Variants in MSI2 observed in about 807,000 individuals in gnomAD.
The protein encoded by MSI2 is RNA-binding protein Musashi homolog 2.
Under a neutral mutation model 45.6 loss-of-function variants are expected in MSI2, and 17 were observed. The ratio of observed to expected loss-of-function variants is 0.37; its 90% confidence interval spans 0.26 to 0.56. The LOEUF is 0.56. Among genes scored for constraint, MSI2 ranks in the 20% least tolerant of loss-of-function variants. MSI2 has a pLI of 0.77. For missense variants in MSI2, 293 were observed against 444.2 expected, an observed-to-expected ratio of 0.66 and a Z score of 3.06; for synonymous variants, 156 against 158.2, an observed-to-expected ratio of 0.99 and a Z score of 0.11.
chr17:57,439,651 C>T (rs966356206), intron 6 of MSI2, among the ~76,000 whole-genome samples: 5 of 151,772 alleles, frequency 3.3e-5, no homozygotes, highest in African/African-American at 1.2e-4. Flanking sequence ...CTCTGCCTCC[C>T]GGGTTCAAGT....
intron 5 of MSI2, among the ~76,000 whole-genome samples, chr17:57,325,355 A>G (rs1029910865): frequency 1.3e-5 from 2 of 152,356 alleles, no homozygotes; most frequent in East Asian, 3.9e-4. Context: ...TGGATGCAAT[A>G]TATGCTATTC....
At chr17:57,430,158 A>T (rs1413572105) in intron 6 of MSI2, among the ~76,000 whole-genome samples, 1 of 152,202 alleles carries the variant, frequency 6.6e-6, no homozygotes, top group East Asian at 1.9e-4. Flanking sequence ...GAGTACTAGT[A>T]CACAGTGCCC....
chr17:57,676,260 A>G (rs1239835592), intron 12 of MSI2, among the ~76,000 whole-genome samples: 3 of 152,070 alleles, frequency 2.0e-5, no homozygotes, highest in Non-Finnish European at 4.4e-5. Context: ...GCACACAGAC[A>G]TGCACGCACA....
chr17:57,473,051 T>G (rs973488906), intron 6 of MSI2, among the ~76,000 whole-genome samples: 11 of 151,808 alleles, frequency 7.2e-5, no homozygotes, highest in African/African-American at 2.7e-4. Context: ...TGACACCATG[T>G]CTAGCTAATT....
chr17:57,649,803 G>A (rs1356398494), intron 10 of MSI2, among the ~76,000 whole-genome samples: 1 of 152,258 alleles, frequency 6.6e-6, no homozygotes, highest in African/African-American at 2.4e-5. Context: ...TGTGCAGGAT[G>A]CTGGTGCAAG....
At chr17:57,598,372 A>G (rs1450644743) in intron 8 of MSI2, among the ~76,000 whole-genome samples, 2 of 152,250 alleles carry the variant, frequency 1.3e-5, no homozygotes, top group Non-Finnish European at 2.9e-5. Context: ...GATCAAAGCA[A>G]TCTGCTTAGC....
Position 57,596,755 on chromosome 17 carries a change from C to T in MSI2, c.455-113C>T. 1.4e-6 allele frequency: 1 copy of T among 714,494 alleles called. No homozygotes were observed. The highest frequency in any genetic ancestry group is 2.5e-6 in the Non-Finnish European group (1 of 397,900). 44.3% of individuals were successfully genotyped at this position (714,494 alleles called of 1,614,324 possible). On this transcript the variant is annotated intron_variant, in intron 7 of 13. Coordinates refer to ENST00000284073, the MANE Select transcript of MSI2 (RefSeq NM_138962.4). The surrounding 1 kb of genome is among the most constrained non-coding windows in gnomAD (Gnocchi z 4.6). ...GTCCTCCCAAGGATCCGCCTACCTA[C>T]CCCCAGACCAGGAGGCTGTCAAGAC...
the MSI2 span, among the ~76,000 whole-genome samples, chr17:57,697,023 C>T: frequency 1.3e-5 from 2 of 152,036 alleles, no homozygotes; most frequent in Non-Finnish European, 2.9e-5. Flanking sequence ...TCACTGTAAG[C>T]CAGGGAGGGG....
At chr17:57,289,313 T>A (rs953717917) in intron 5 of MSI2, among the ~76,000 whole-genome samples, 3 of 152,156 alleles carry the variant, frequency 2.0e-5, no homozygotes, top group Non-Finnish European at 2.9e-5. Flanking sequence ...TTTAGCAGAA[T>A]GACTCTGCAC....
intron 6 of MSI2, among the ~76,000 whole-genome samples, chr17:57,500,076 T>C (rs2086069483): frequency 6.6e-6 from 1 of 152,156 alleles, no homozygotes; most frequent in Non-Finnish European, 1.5e-5. Context: ...GTAGATCGCA[T>C]GTGGCACGGG....
At chr17:57,631,349 C>G (rs1454377835) in intron 10 of MSI2, 1 of 156,784 alleles carries the variant, frequency 6.4e-6, no homozygotes, top group Non-Finnish European at 1.4e-5. Context: ...TCCTTTCCAC[C>G]TGGACTTACC....
chr17:57,657,871 T>C (rs1911719402), intron 11 of MSI2, among the ~76,000 whole-genome samples: 1 of 152,200 alleles, frequency 6.6e-6, no homozygotes, highest in Admixed American at 6.5e-5. Flanking sequence ...ATTTGTTTTG[T>C]ACCAAGCACC....
At chr17:57,289,116 C>T (rs1315541100) in intron 5 of MSI2, among the ~76,000 whole-genome samples, 1 of 152,202 alleles carries the variant, frequency 6.6e-6, no homozygotes, top group Non-Finnish European at 1.5e-5. Context: ...AATTCAAGAG[C>T]AGGAAAGTGC....
upstream of MSI2, chr17:57,255,874 C>T (rs1036060255): frequency 1.3e-5 from 2 of 152,028 alleles, no homozygotes; most frequent in East Asian, 3.9e-4. Flanking sequence ...ACTTCCAGCG[C>T]AAAAGGAAAA....
intron 9 of MSI2, among the ~76,000 whole-genome samples, chr17:57,623,064 A>T (rs1456292516): frequency 1.3e-5 from 2 of 152,272 alleles, no homozygotes; most frequent in South Asian, 4.1e-4. Context: ...TTTAAATTGG[A>T]CGGCGCAGGT....
At chr17:57,289,881 C>A (rs1031768456) in intron 5 of MSI2, among the ~76,000 whole-genome samples, 2 of 152,220 alleles carry the variant, frequency 1.3e-5, no homozygotes, top group Non-Finnish European at 2.9e-5. Flanking sequence ...GTGTTGCCGG[C>A]AAGTTGCCAT....
chr17:57,541,114 T>C (rs980942110), intron 7 of MSI2, among the ~76,000 whole-genome samples: 1 of 151,542 alleles, frequency 6.6e-6, no homozygotes, highest in African/African-American at 2.4e-5. Context: ...GCCAAAGACC[T>C]TGAAAGTGAC....
chr17:57,391,271 A>G (rs375313886), intron 5 of MSI2, among the ~76,000 whole-genome samples: 7 of 152,024 alleles, frequency 4.6e-5, no homozygotes, highest in Admixed American at 4.6e-4. Context: ...AGGAGACAGA[A>G]CCCTTGTGTG....
intron 6 of MSI2, among the ~76,000 whole-genome samples, chr17:57,511,280 C>A (rs2086348584): frequency 6.6e-6 from 1 of 152,166 alleles, no homozygotes; most frequent in African/African-American, 2.4e-5. Flanking sequence ...CAGGGTGGAA[C>A]AAAGGAAGGC....
Sources: gnomAD v4.1 joint callset for allele counts (sites outside exome capture counted in the v4.1 genomes callset) on GRCh38, gnomAD v4.1.1 for gene constraint, Gnocchi (gnomAD v3.1) non-coding constraint, MANE v1.5 for transcripts, NCBI Gene and HGNC (gene_info 2026-07-23, HGNC 2026-07-21) for gene names.